Variants in LRP1B observed in about 807,000 individuals in gnomAD.
LRP1B encodes the protein LDL receptor related protein 1B, also known as low-density lipoprotein receptor-related protein 1B.
Under a neutral mutation model 556.6 loss-of-function variants are expected in LRP1B, and 217 were observed. The observed-to-expected ratio is 0.39, with a 90% CI of 0.35 to 0.44. The LOEUF is 0.44. Ranked by LOEUF, LRP1B falls within the 20% of genes least tolerant of loss-of-function variation. The probability of loss-of-function intolerance (pLI) is 1.00; values close to 1 mark genes in which losing one functional copy is unlikely to be tolerated. For synonymous variants in LRP1B, 2,047 were observed against 1,865.8 expected, an observed-to-expected ratio of 1.10 and a Z score of -2.50; for missense variants, 5,053 against 5,620.8, an observed-to-expected ratio of 0.90 and a Z score of 3.23.
intron 2 of LRP1B, among the ~76,000 whole-genome samples, chr2:141,591,363 G>GTTTTT (rs71391662): frequency 7.2e-6 from 1 of 139,008 alleles, no homozygotes. Context: ...TTGTTTGTTT[G>GTTTTT]TTTTTTTTTT....
chr2:141,003,907 T>A (rs1697496524), intron 15 of LRP1B, among the ~76,000 whole-genome samples: 1 of 152,090 alleles, frequency 6.6e-6, no homozygotes, highest in African/African-American at 2.4e-5. Context: ...ATGCCAATGA[T>A]ATATCATTAT....
intron 21 of LRP1B, among the ~76,000 whole-genome samples, chr2:140,918,277 A>G (rs1694640002): frequency 6.6e-6 from 1 of 151,614 alleles, no homozygotes; most frequent in African/African-American, 2.4e-5. Context: ...CTTCTTTGGA[A>G]CCTAACATAT....
intron 66 of LRP1B, among the ~76,000 whole-genome samples, chr2:140,390,145 GA>G (rs967067894): frequency 2.2e-4 from 33 of 146,970 alleles, no homozygotes; most frequent in Admixed American, 2.0e-3. Context: ...CAAACAAACA[GA>G]AAAAAAAATG....
At chr2:141,625,824 A>C (rs1393025081) in intron 2 of LRP1B, among the ~76,000 whole-genome samples, 1 of 152,096 alleles carries the variant, frequency 6.6e-6, no homozygotes, top group East Asian at 1.9e-4. Flanking sequence ...TTGGGTTTTG[A>C]CTGGGAACCT....
chr2:141,092,615 T>C (rs1401877918), intron 7 of LRP1B, among the ~76,000 whole-genome samples: 2 of 152,170 alleles, frequency 1.3e-5, no homozygotes, highest in African/African-American at 4.8e-5. Context: ...ACCTAAAATA[T>C]TTCACAGTTT....
chr2:140,585,836 C>A (rs1158461535), intron 43 of LRP1B, among the ~76,000 whole-genome samples: 3 of 152,074 alleles, frequency 2.0e-5, no homozygotes, highest in Non-Finnish European at 2.9e-5. Flanking sequence ...TTTTCATAAT[C>A]TTTATTTCCC....
chr2:140,329,782 T>TAGAA (rs1327377297), intron 79 of LRP1B, among the ~76,000 whole-genome samples: 1 of 151,808 alleles, frequency 6.6e-6, no homozygotes, highest in African/African-American at 2.4e-5. Flanking sequence ...TGCTCATGGG[T>TAGAA]AGAAAGAATC....
At chr2:141,238,956 C>T (rs1268281118) in intron 5 of LRP1B, among the ~76,000 whole-genome samples, 5 of 151,852 alleles carry the variant, frequency 3.3e-5, no homozygotes, top group African/African-American at 1.2e-4. Flanking sequence ...AGTCTAGAGC[C>T]GTCATAACTG....
rs1211517771 is a variant in LRP1B at position 140,373,752 on chromosome 2, G to T, written c.10639-615C>A. 2.0e-5 allele frequency among the ~76,000 whole-genome samples: 3 copies of T among 152,062 alleles called. No individual in the cohort carries two copies. The South Asian group carries it at 6.2e-4, about 32-fold the overall frequency. On this transcript the variant is annotated intron_variant, in intron 68 of 90. Coordinates refer to ENST00000389484, the MANE Select transcript of LRP1B (RefSeq NM_018557.3). Reference sequence around the variant, plus strand: ...GGCACACATGAATACCACTGCACTCGAGTCTAGGCAACATAGTGACATCCT... The same window carrying T: ...GGCACACATGAATACCACTGCACTCTAGTCTAGGCAACATAGTGACATCCT...
chr2:140,358,482 T>G (rs1682344283), intron 73 of LRP1B, among the ~76,000 whole-genome samples: 1 of 151,642 alleles, frequency 6.6e-6, no homozygotes, highest in South Asian at 2.1e-4. Flanking sequence ...ACTTCGGAAT[T>G]CAGAAAAAAG....
At position 140,951,891 on chromosome 2, in the gene LRP1B, T is replaced by A. The variant is rs1695727199; in HGVS notation, c.2937A>T (p.Arg979Ser). The A allele has an allele frequency of 6.2e-7, 1 of 1,614,058 alleles. No homozygotes were observed. Among genetic ancestry groups the A allele is most frequent in the Non-Finnish European group, 8.5e-7 (1 of 1,179,914 alleles). The change falls in exon 19 of 91, where the codon AGA becomes AGT. Residue 979 changes from arginine to serine, a missense_variant. Physicochemically the swap from Arg to Ser is moderately radical, Grantham distance 110. Around this residue, in one of 5 missense-constraint regions of LRP1B, gnomAD observed 3,619 missense variants for 3,931.9 expected, o/e 0.92. Coordinates refer to ENST00000389484, the MANE Select transcript of LRP1B (RefSeq NM_018557.3). Reference protein sequence around the residue: ...PLTQFVCKSGRCISSKWHCDS... With the variant: ...PLTQFVCKSGSCISSKWHCDS... The stretch of plus-strand genomic sequence containing the variant: ...CGCAGTGCCATTTGCTGCTAATGCA[T>A]CTTCCACTTTTGCATACGAATTGGG...
intron 85 of LRP1B, among the ~76,000 whole-genome samples, chr2:140,273,601 C>T (rs773405161): frequency 2.0e-5 from 3 of 152,016 alleles, no homozygotes; most frequent in African/African-American, 4.8e-5. Context: ...GAGCTCTCAG[C>T]GGAAGCTGTG....
intron 23 of LRP1B, among the ~76,000 whole-genome samples, chr2:140,895,555 G>A (rs1693929909): frequency 6.6e-6 from 1 of 152,152 alleles, no homozygotes; most frequent in Admixed American, 6.5e-5. Flanking sequence ...CAGAAGGCAT[G>A]TTACCGTGCG....
At chr2:140,839,251 A>T (rs1314025331) in intron 31 of LRP1B, among the ~76,000 whole-genome samples, 2 of 152,212 alleles carry the variant, frequency 1.3e-5, no homozygotes, top group Non-Finnish European at 2.9e-5. Context: ...TTATCATGTT[A>T]AAAAATTAAT....
chr2:141,468,233 A>G (rs1559087463), intron 3 of LRP1B, among the ~76,000 whole-genome samples: 1 of 152,184 alleles, frequency 6.6e-6, no homozygotes, highest in Non-Finnish European at 1.5e-5. Flanking sequence ...ACCCTGACTT[A>G]CTGAAATGGA....
intron 7 of LRP1B, chr2:141,167,280 TATC>T (rs1235276498): frequency 6.6e-6 from 1 of 151,902 alleles, no homozygotes; most frequent in Non-Finnish European, 1.5e-5. Context: ...GCCTCACAAA[TATC>T]ATCTTTATGC....
intron 2 of LRP1B, among the ~76,000 whole-genome samples, chr2:141,772,794 C>T (rs1322137927): frequency 6.6e-6 from 1 of 152,072 alleles, no homozygotes; most frequent in Non-Finnish European, 1.5e-5. Context: ...TCCTGGAAGC[C>T]CTGGGCATAT....
At position 140,541,250 on chromosome 2, in the gene LRP1B, C is replaced by T. The variant is rs1033431603; in HGVS notation, c.7388-152G>A. The T allele has an allele frequency of 9.5e-6, 6 of 633,494 alleles. No individual in the cohort carries two copies. The Admixed American group carries it at 1.3e-4, about 13-fold the overall frequency. 39.2% of individuals were successfully genotyped at this position (633,494 alleles called of 1,614,324 possible). On this transcript the variant is annotated intron_variant, in intron 44 of 90. Coordinates refer to ENST00000389484, the MANE Select transcript of LRP1B (RefSeq NM_018557.3). ...AGGATTTTTGAAAATCTAAGCATTC[C>T]TAAGGCTAAGTACATTACAAAAGTA...
At chr2:141,914,227 A>G (rs903229806) in intron 1 of LRP1B, among the ~76,000 whole-genome samples, 1 of 152,272 alleles carries the variant, frequency 6.6e-6, no homozygotes, top group African/African-American at 2.4e-5. Context: ...ATTAATAGAT[A>G]AAAGGATATA....
Sources: allele counts gnomAD v4.1 joint callset (sites outside exome capture counted in the v4.1 genomes callset), GRCh38; gene constraint gnomAD v4.1.1; regional missense constraint gnomAD v4.1.1; transcripts MANE v1.5; gene names NCBI Gene and HGNC (gene_info 2026-07-23, HGNC 2026-07-21).